Variants in LRRC4C observed in about 807,000 individuals in gnomAD.
LRRC4C encodes the protein leucine-rich repeat-containing protein 4C.
A neutral mutation model predicts 33.6 loss-of-function variants in LRRC4C; 5 were observed. That is an observed-to-expected ratio of 0.15 (90% CI 0.08 to 0.31). The LOEUF (loss-of-function observed/expected upper bound fraction) is 0.31. Among genes scored for constraint, LRRC4C ranks in the 10% least tolerant of loss-of-function variants. The pLI, the probability that LRRC4C is intolerant of heterozygous loss-of-function variation, is 1.00. For missense variants in LRRC4C, 560 were observed against 796.7 expected (o/e 0.70, Z 3.58); for synonymous variants, 329 against 302.0 (o/e 1.09, Z -0.93).
intron 3 of LRRC4C, among the ~76,000 whole-genome samples, chr11:40,434,180 A>ACTTG (rs1422725564): frequency 6.6e-6 from 1 of 152,184 alleles, no homozygotes; most frequent in Non-Finnish European, 1.5e-5. Context: ...TGATAATAAT[A>ACTTG]CTTGCCATTT....
At chr11:40,665,934 TAA>T (rs982593853) in intron 2 of LRRC4C, among the ~76,000 whole-genome samples, 12 of 152,092 alleles carry the variant, frequency 7.9e-5, no homozygotes, top group African/African-American at 2.9e-4. Context: ...TACAAATACA[TAA>T]GTGTTATTTA....
rs538582378 is a variant in LRRC4C, at chr11:40,277,968, T to C, written c.-175-36370A>G. The stretch of plus-strand genomic sequence containing the variant: ...CTCAAAAAAGTGGCAGTCTCCTTCA[T>C]TGCTTTAACTTTCCAGGAAAACCCT... On this transcript the variant is annotated intron_variant, in intron 4 of 6. Transcript: ENST00000528697. 7.9e-4 allele frequency among the ~76,000 whole-genome samples: 120 copies of C among 152,302 alleles called. 1 individual carries two copies. The highest frequency in any genetic ancestry group is 2.5e-3 in the African/African-American group (104 of 41,574).
At chr11:40,821,755 C>T (rs1006690603) in intron 2 of LRRC4C, among the ~76,000 whole-genome samples, 1 of 151,584 alleles carries the variant, frequency 6.6e-6, no homozygotes, top group Admixed American at 6.6e-5. Context: ...ACTAAGAAGA[C>T]ATGAGGACTA....
At position 40,545,895 on chromosome 11, in the gene LRRC4C, G is replaced by A. The variant is rs76789680; in HGVS notation, c.-270+102247C>T. Among the ~76,000 whole-genome samples the A allele has an allele frequency of 3.5e-3, 536 of 152,068 alleles. 2 individuals carry two copies. The highest frequency in any genetic ancestry group is 6.8e-3 in the Middle Eastern group (2 of 294). On this transcript the variant is annotated intron_variant, in intron 3 of 6. Transcript: ENST00000528697. ...AAAAAATAGAGCAACTTGTCATTAC[G>A]TTCATCTGTACAGACACATTGGAAA...
intron 3 of LRRC4C, among the ~76,000 whole-genome samples, chr11:40,627,705 G>T (rs1418947387): frequency 1.3e-5 from 2 of 152,060 alleles, no homozygotes; most frequent in Admixed American, 6.6e-5. Flanking sequence ...AGATAGACAA[G>T]AGAATACAAT....
At chr11:40,743,834 G>A (rs1030948447) in intron 2 of LRRC4C, among the ~76,000 whole-genome samples, 3 of 151,920 alleles carry the variant, frequency 2.0e-5, no homozygotes, top group Admixed American at 6.6e-5. Flanking sequence ...CTTCACTCCT[G>A]TGCTAGCTTT....
chr11:40,872,038 T>C (rs1365690640), intron 2 of LRRC4C, among the ~76,000 whole-genome samples: 1 of 152,108 alleles, frequency 6.6e-6, no homozygotes, highest in African/African-American at 2.4e-5. Flanking sequence ...AGGCATACAC[T>C]GGACATGGGT....
chr11:40,281,959 G>GT (rs1233687359), intron 4 of LRRC4C, among the ~76,000 whole-genome samples: 13 of 152,234 alleles, frequency 8.5e-5, no homozygotes, highest in Middle Eastern at 6.8e-3. Flanking sequence ...ATGTGACTTG[G>GT]TCAAAATTGA....
chr11:41,151,223 C>A (rs1381885997), intron 1 of LRRC4C, among the ~76,000 whole-genome samples: 1 of 152,194 alleles, frequency 6.6e-6, no homozygotes, highest in African/African-American at 2.4e-5. Flanking sequence ...AACAGTTGAG[C>A]TAGTTTCTCC....
intron 4 of LRRC4C, among the ~76,000 whole-genome samples, chr11:40,297,817 G>T (rs1440270056): frequency 6.6e-5 from 10 of 152,112 alleles, no homozygotes; most frequent in Non-Finnish European, 1.5e-4. Flanking sequence ...GATGAAATTG[G>T]ACTTGAGGTT....
At chr11:40,606,306 G>C (rs1287045372) in intron 3 of LRRC4C, among the ~76,000 whole-genome samples, 1 of 152,126 alleles carries the variant, frequency 6.6e-6, no homozygotes, top group Non-Finnish European at 1.5e-5. Flanking sequence ...ACCAGCTCCT[G>C]AATGAAGAAA....
rs147308112 is a variant in LRRC4C, at chr11:40,388,066, T to C, written c.-269-68345A>G. ...TCAACCCTTGATCTGATTTTTCATA[T>C]GTAGTAAAATATGTATTGAGAAAAG... On this transcript the variant is annotated intron_variant, in intron 3 of 6. Coordinates refer to ENST00000528697, the MANE Select transcript of LRRC4C (RefSeq NM_001258419.2). Among the ~76,000 whole-genome samples, 172 of 152,252 alleles carry C rather than the reference T, an allele frequency of 1.1e-3. 1 individual carries two copies. The highest frequency in any genetic ancestry group is 4.0e-3 in the African/African-American group (165 of 41,556).
At chr11:40,836,354 C>T (rs1459450598) in intron 2 of LRRC4C, among the ~76,000 whole-genome samples, 2 of 152,184 alleles carry the variant, frequency 1.3e-5, no homozygotes. Context: ...TAAGGCCTCA[C>T]TCATTCTGTT....
At position 40,278,402 on chromosome 11, in the gene LRRC4C, C is replaced by G. The variant is rs532052050; in HGVS notation, c.-175-36804G>C. The stretch of plus-strand genomic sequence containing the variant: ...CACATCTATGGCCGGGACAAGTGAC[C>G]AGGAGTGTGGGTATTCAAGGCGTTT... On this transcript the variant is annotated intron_variant, in intron 4 of 6. Coordinates refer to ENST00000528697, the MANE Select transcript of LRRC4C (RefSeq NM_001258419.2). 4.6e-5 allele frequency among the ~76,000 whole-genome samples: 7 copies of G among 152,166 alleles called. No homozygotes were observed. The South Asian group carries it at 1.5e-3, about 32-fold the overall frequency.
At chr11:41,307,505 C>G (rs1950537822) in intron 1 of LRRC4C, among the ~76,000 whole-genome samples, 4 of 152,168 alleles carry the variant, frequency 2.6e-5, no homozygotes, top group Admixed American at 2.6e-4. Flanking sequence ...AAGTAGTCAG[C>G]CAATGAATGG....
chr11:40,236,035 C>T (rs916958292), intron 5 of LRRC4C, among the ~76,000 whole-genome samples: 4 of 151,644 alleles, frequency 2.6e-5, no homozygotes, highest in South Asian at 4.2e-4. Context: ...TACCAGGGTG[C>T]GCAGCTTCAT....
At chr11:40,891,854 G>C (rs1295678091) in intron 2 of LRRC4C, among the ~76,000 whole-genome samples, 1 of 152,098 alleles carries the variant, frequency 6.6e-6, no homozygotes. Context: ...GTTCTTCGGG[G>C]GCTGGGCGTG....
At chr11:40,332,267 T>A (rs1946396229) in intron 3 of LRRC4C, among the ~76,000 whole-genome samples, 1 of 152,166 alleles carries the variant, frequency 6.6e-6, no homozygotes, top group Admixed American at 6.5e-5. Context: ...TTTCCTTGTC[T>A]CTTCTTGCTT....
At chr11:41,113,705 T>G (rs374111549) in intron 1 of LRRC4C, among the ~76,000 whole-genome samples, 1 of 152,064 alleles carries the variant, frequency 6.6e-6, no homozygotes, top group South Asian at 2.1e-4. Flanking sequence ...CAAGTTTTCT[T>G]GAGACTACTC....
Sources: allele counts gnomAD v4.1 joint callset (sites outside exome capture counted in the v4.1 genomes callset), GRCh38; gene constraint gnomAD v4.1.1; transcripts MANE v1.5; gene names NCBI Gene and HGNC (gene_info 2026-07-23, HGNC 2026-07-21).